NUP93: variants seen among roughly 807,000 people sequenced by gnomAD.
NUP93 encodes the protein nucleoporin 93, also known as nuclear pore complex protein Nup93.
NUP93 carries 55 observed loss-of-function variants against 107.8 expected under a neutral mutation model. The ratio of observed to expected loss-of-function variants is 0.51; its 90% CI spans 0.41 to 0.64. The LOEUF is 0.64. NUP93 is among the 30% of genes least tolerant of loss of function. The pLI is 0.00. For missense variants in NUP93, 937 were observed against 1,044.7 expected (o/e 0.90, Z 1.42); for synonymous variants, 390 against 397.5 (o/e 0.98, Z 0.22).
rs1298360656 is a variant in NUP93 at position 56,808,162 on chromosome 16, G to T, written c.489+2530G>T. Reference sequence around the variant, plus strand: ...TTTATATAACTATATATAATATATAGTTATATAACTATATAAAATATATAG... The same window carrying T: ...TTTATATAACTATATATAATATATATTTATATAACTATATAAAATATATAG... On this transcript the variant is annotated intron_variant, in intron 5 of 21. Coordinates refer to ENST00000308159, the MANE Select transcript of NUP93 (RefSeq NM_014669.5). 2.8e-4 allele frequency among the ~76,000 whole-genome samples: 29 copies of T among 103,914 alleles called. 5 individuals carry two copies. Among genetic ancestry groups the T allele is most frequent in the Middle Eastern group, 0.012 (2 of 170 alleles). 68.2% of individuals were successfully genotyped at this position (103,914 alleles called of 152,430 possible). A position where few individuals can be genotyped will look rare whatever the true frequency, so the allele number is the denominator to read the frequency against.
Position 56,845,007 on chromosome 16 carries a change from G to T in NUP93, c.*398G>T, listed in dbSNP as rs367632365. ...ATAATATTCCATATAGCAGAGTCAC[G>T]ATTCATTTTCACATTTTTATTTGAA... On this transcript the variant is annotated 3_prime_UTR_variant, in exon 22 of 22. Transcript: ENST00000308159. The T allele has an allele frequency of 1.1e-3, 284 of 269,194 alleles. 2 individuals carry two copies. Among genetic ancestry groups the T allele is most frequent in the African/African-American group, 4.0e-3 (183 of 46,328 alleles). 16.7% of individuals were successfully genotyped at this position (269,194 alleles called of 1,614,324 possible). A position where few individuals can be genotyped will look rare whatever the true frequency, so the allele number is the denominator to read the frequency against.
In NUP93 at chr16:56,845,466, G is replaced by GT. The variant is rs2144658100; in HGVS notation, c.*858dup. 1 of 152,346 alleles carries GT rather than the reference G, an allele frequency of 6.6e-6. No homozygotes were observed. The highest frequency in any genetic ancestry group is 1.9e-4 in the East Asian group (1 of 5,196). 9.4% of individuals were successfully genotyped at this position (152,346 alleles called of 1,614,324 possible). ...TTGGCCAGGCAGGCTCATGGGTCAC[G>GT]TGCTGAGTCTGCAATGTACAGAATC... On this transcript the variant is annotated 3_prime_UTR_variant, in exon 22 of 22. Coordinates refer to ENST00000308159, the MANE Select transcript of NUP93 (RefSeq NM_014669.5).
chr16:56,806,871 T>C (rs985244209), intron 5 of NUP93, among the ~76,000 whole-genome samples: 3 of 152,184 alleles, frequency 2.0e-5, no homozygotes, highest in African/African-American at 4.8e-5. Flanking sequence ...GTGGGAGTTA[T>C]TGGGGCCATC....
rs1032277885 is a variant in NUP93 at position 56,805,268 on chromosome 16, G to A, written c.361-236G>A. 3.3e-5 allele frequency among the ~76,000 whole-genome samples: 5 copies of A among 152,214 alleles called. No homozygotes were observed. In the South Asian group the frequency reaches 6.2e-4, roughly 19 times the overall value. ...TTGCCATGTTGCCTAAGCTGCTCTC[G>A]AACACCTGGGCTCAAGCAATCTGCC... On this transcript the variant is annotated intron_variant, in intron 4 of 21. Transcript: ENST00000308159.
At chr16:56,750,136 A>G (rs1038451747) in intron 2 of NUP93, among the ~76,000 whole-genome samples, 4 of 152,244 alleles carry the variant, frequency 2.6e-5, no homozygotes, top group Admixed American at 6.5e-5. Flanking sequence ...CTTGGTAACA[A>G]TTATCGGTCA....
intron 5 of NUP93, among the ~76,000 whole-genome samples, chr16:56,815,773 T>C (rs1487401634): frequency 6.6e-6 from 1 of 152,146 alleles, no homozygotes; most frequent in African/African-American, 2.4e-5. Context: ...ACCCCCACTT[T>C]ACAGCTAAGG....
intron 7 of NUP93, among the ~76,000 whole-genome samples, chr16:56,823,164 G>T (rs927406195): frequency 6.6e-6 from 1 of 152,210 alleles, no homozygotes; most frequent in African/African-American, 2.4e-5. Context: ...TTTGAAGGGA[G>T]TGAGTGGGAA....
intron 3 of NUP93, among the ~76,000 whole-genome samples, chr16:56,784,101 G>T (rs1171700334): frequency 6.6e-6 from 1 of 152,112 alleles, no homozygotes. Context: ...TTATTCATCA[G>T]TAATTTAAGT....
At position 56,823,762 on chromosome 16, in the gene NUP93, C is replaced by G; in HGVS notation, c.710C>G (p.Pro237Arg). ...VKQMTDVLLT[P>R]ATDALKNRSS... ...CAAATGACAGACGTGTTGTTGACAC[C>G]GGCAACGGATGCCCTGAAGAACCGC... Residue 237 changes from proline to arginine, a missense_variant, in exon 8 of 22, where the codon CCG becomes CGG. Pro to Arg is a moderately radical substitution (Grantham distance 103). Transcript: ENST00000308159. 1.2e-6 allele frequency: 2 copies of G among 1,614,120 alleles called. No individual in the cohort carries two copies. The highest frequency in any genetic ancestry group is 2.2e-5 in the South Asian group (2 of 91,078).
At position 56,834,788 on chromosome 16, in the gene NUP93, A is replaced by G. The variant is rs1347591; in HGVS notation, c.1782+10A>G. 734,394 of 1,595,922 alleles carry G rather than the reference A, an allele frequency of 0.46. 172,641 individuals carry two copies. Among genetic ancestry groups the G allele is most frequent in the East Asian group, 0.68 (30,487 of 44,686 alleles). On this transcript the variant is annotated intron_variant, in intron 16 of 21. Transcript: ENST00000308159. The stretch of plus-strand genomic sequence containing the variant: ...TGACGGAAGTAGAAAGGTGAGTTAA[A>G]TGCATCCTTAGAGAAATGTTCGTTA...
intron 7 of NUP93, 52 bp downstream of exon 7, chr16:56,821,645 G>A: frequency 8.3e-7 from 1 of 1,206,946 alleles, no homozygotes; most frequent in Non-Finnish European, 1.2e-6. Context: ...GTTCCGATGG[G>A]CCTAGCAACT....
intron 3 of NUP93, among the ~76,000 whole-genome samples, chr16:56,780,523 A>G (rs1962494721): frequency 6.6e-6 from 1 of 152,160 alleles, no homozygotes; most frequent in Non-Finnish European, 1.5e-5. Context: ...AAATGTCTGA[A>G]ACATCTCAAC....
chr16:56,783,897 G>C, intron 3 of NUP93: 1 of 985,290 alleles, frequency 1.0e-6, no homozygotes, highest in Non-Finnish European at 1.2e-6. Context: ...TACTCATATA[G>C]CAGGGAGAGG....
chr16:56,764,303 C>T (rs1185780287), intron 3 of NUP93, among the ~76,000 whole-genome samples: 2 of 152,104 alleles, frequency 1.3e-5, no homozygotes, highest in African/African-American at 2.4e-5. Context: ...TCAGCCTAGT[C>T]AACATGGTGA....
At chr16:56,781,333 T>G (rs1356614697) in intron 3 of NUP93, among the ~76,000 whole-genome samples, 1 of 152,214 alleles carries the variant, frequency 6.6e-6, no homozygotes, top group Non-Finnish European at 1.5e-5. Context: ...ATCTTTTAAC[T>G]ACTAAGAGGC....
At chr16:56,825,093 G>C (rs1663844355) in intron 8 of NUP93, among the ~76,000 whole-genome samples, 1 of 149,346 alleles carries the variant, frequency 6.7e-6, no homozygotes. Context: ...GTCTGGCTCT[G>C]TCACCCATGC....
intron 11 of NUP93, 30 bp from the exon 12 acceptor site, chr16:56,832,265 C>A: frequency 6.3e-7 from 1 of 1,576,782 alleles, no homozygotes; most frequent in African/African-American, 1.3e-5. Context: ...GTCATTTGTA[C>A]CAATGCATGT....
rs1293372225 is a variant in NUP93 at position 56,844,612 on chromosome 16, G to T, written c.*3G>T. ...AGATGGAGGTCCTCATGAATTAAGT[G>T]CCATGCTTTGTGGGAGTCTGGGTCG... On this transcript the variant is annotated 3_prime_UTR_variant, in exon 22 of 22. Coordinates refer to ENST00000308159, the MANE Select transcript of NUP93 (RefSeq NM_014669.5). The T allele has an allele frequency of 1.9e-6, 3 of 1,585,160 alleles. No homozygotes were observed. Among genetic ancestry groups the T allele is most frequent in the Non-Finnish European group, 2.6e-6 (3 of 1,164,828 alleles).
At chr16:56,781,197 T>G (rs1183688711) in intron 3 of NUP93, among the ~76,000 whole-genome samples, 1 of 152,202 alleles carries the variant, frequency 6.6e-6, no homozygotes, top group Non-Finnish European at 1.5e-5. Context: ...TGAGCATATG[T>G]TAATAAAAGG....
Sources: allele counts gnomAD v4.1 joint callset (sites outside exome capture counted in the v4.1 genomes callset), GRCh38; gene constraint gnomAD v4.1.1; transcripts MANE v1.5; gene names NCBI Gene and HGNC (gene_info 2026-07-23, HGNC 2026-07-21).